Variants in TPTE observed in about 807,000 individuals in gnomAD.
TPTE encodes putative tyrosine-protein phosphatase TPTE.
In TPTE, 59 loss-of-function variants were observed where a neutral mutation model predicts 84.1. The ratio of observed to expected loss-of-function variants is 0.70; its 90% confidence interval spans 0.57 to 0.87. The LOEUF (loss-of-function observed/expected upper bound fraction) is 0.87. Among genes scored for constraint, TPTE ranks in the 40% least tolerant of loss-of-function variants. TPTE has a pLI of 0.00. For missense variants in TPTE, 382 were observed against 659.6 expected (o/e 0.58, Z 4.61); for synonymous variants, 130 against 223.5 (o/e 0.58, Z 3.73).
chr21:10,543,859 A>G (rs900006364), intron 7 of TPTE, among the ~76,000 whole-genome samples: 1 of 152,426 alleles, frequency 6.6e-6, no homozygotes, highest in African/African-American at 2.4e-5. Flanking sequence ...AATAAGGAGT[A>G]GTGAAGCCCT....
At chr21:10,566,774 CGAGACCAGCCTGACCAACATG>C (rs1258847838) in intron 10 of TPTE, among the ~76,000 whole-genome samples, 2 of 152,290 alleles carry the variant, frequency 1.3e-5, no homozygotes, top group Non-Finnish European at 2.9e-5. Context: ...GTCGGGAGTT[CGAGACCAGCCTGACCAACATG>C]GAGAAACCCC....
At chr21:10,560,854 A>G (rs2145675187) in intron 9 of TPTE, among the ~76,000 whole-genome samples, 176 bp from the exon 10 acceptor site, 1 of 152,424 alleles carries the variant, frequency 6.6e-6, no homozygotes, top group East Asian at 1.9e-4. Flanking sequence ...ATTGGGTGAA[A>G]ACAGTGATTT....
chr21:10,539,097 A>G (rs1332033085), intron 4 of TPTE, among the ~76,000 whole-genome samples: 2 of 152,310 alleles, frequency 1.3e-5, no homozygotes, highest in African/African-American at 4.8e-5. Context: ...ATGTTAGTGT[A>G]TTTGTCACTG....
chr21:10,555,291 C>T (rs112969404), intron 8 of TPTE, among the ~76,000 whole-genome samples: 2,837 of 151,106 alleles, frequency 0.019, no homozygotes, highest in African/African-American at 0.056. Context: ...ACTGCAACCT[C>T]CACTTCCCAG....
intron 8 of TPTE, among the ~76,000 whole-genome samples, chr21:10,555,659 TTTTA>T (rs1367236384): frequency 1.3e-5 from 2 of 152,302 alleles, no homozygotes; most frequent in African/African-American, 4.8e-5. Flanking sequence ...GTACGTTTGG[TTTTA>T]TTTATCATCT....
At chr21:10,597,086 A>T (rs2075602307) in intron 20 of TPTE, among the ~76,000 whole-genome samples, 1 of 152,312 alleles carries the variant, frequency 6.6e-6, no homozygotes, top group African/African-American at 2.4e-5. Context: ...TGTAGAGTTG[A>T]GAGGAAAGCA....
At chr21:10,548,851 A>C (rs576573508) in intron 7 of TPTE, among the ~76,000 whole-genome samples, 18 of 152,418 alleles carry the variant, frequency 1.2e-4, no homozygotes, top group African/African-American at 4.3e-4. Flanking sequence ...GTGTGCCTGC[A>C]TCCTGGGCCT....
intron 17 of TPTE, among the ~76,000 whole-genome samples, chr21:10,583,920 T>A (rs1033319402): frequency 3.9e-5 from 6 of 152,310 alleles, no homozygotes; most frequent in African/African-American, 1.4e-4. Context: ...CTTTCTAATA[T>A]GTCCTCATCA....
intron 9 of TPTE, among the ~76,000 whole-genome samples, chr21:10,560,534 G>C (rs1208549134): frequency 6.6e-6 from 1 of 152,306 alleles, no homozygotes; most frequent in African/African-American, 2.4e-5. Flanking sequence ...CCATAAATAT[G>C]AAATCATGTA....
intron 21 of TPTE, among the ~76,000 whole-genome samples, chr21:10,598,903 C>T (rs1416666350): frequency 6.6e-6 from 1 of 152,310 alleles, no homozygotes; most frequent in African/African-American, 2.4e-5. Context: ...CGACTGAGGG[C>T]ATTCACCCAG....
intron 7 of TPTE, among the ~76,000 whole-genome samples, chr21:10,550,071 C>T (rs2074544444): frequency 6.6e-6 from 1 of 152,310 alleles, no homozygotes; most frequent in Admixed American, 6.5e-5. Context: ...CACAGCTATC[C>T]TTTACAAATG....
chr21:10,597,408 TTTTC>T (rs2075608267), intron 20 of TPTE, among the ~76,000 whole-genome samples: 1 of 151,644 alleles, frequency 6.6e-6, no homozygotes, highest in African/African-American at 2.4e-5. Context: ...GAATTTTCTT[TTTTC>T]TTTTTTTTTT....
intron 10 of TPTE, among the ~76,000 whole-genome samples, chr21:10,564,685 G>A (rs529606522): frequency 1.3e-5 from 2 of 152,424 alleles, no homozygotes; most frequent in African/African-American, 4.8e-5. Flanking sequence ...GGGATGCAAG[G>A]ATGGTTCAAC....
At chr21:10,544,123 A>G (rs2074422878) in intron 7 of TPTE, among the ~76,000 whole-genome samples, 1 of 152,304 alleles carries the variant, frequency 6.6e-6, no homozygotes, top group Non-Finnish European at 1.5e-5. Context: ...TAAAGGTGTA[A>G]GTAATATGGA....
chr21:10,564,213 A>G (rs2074868164), intron 10 of TPTE, among the ~76,000 whole-genome samples: 1 of 152,304 alleles, frequency 6.6e-6, no homozygotes. Flanking sequence ...CTCTTCTCCC[A>G]TAAAGACACA....
chr21:10,559,872 T>TAAAAAA (rs61583687), intron 9 of TPTE, among the ~76,000 whole-genome samples: 63 of 116,674 alleles, frequency 5.4e-4, no homozygotes, highest in African/African-American at 7.5e-4. Context: ...AGACTCCATG[T>TAAAAAA]AAAAAAAAAA....
chr21:10,531,507 CT>C (rs2074178211), intron 3 of TPTE, among the ~76,000 whole-genome samples: 1 of 152,310 alleles, frequency 6.6e-6, no homozygotes, highest in Non-Finnish European at 1.5e-5. Context: ...AACCTCTTTT[CT>C]TTATAAATTA....
chr21:10,599,952 A>G (rs867546830), intron 21 of TPTE, among the ~76,000 whole-genome samples: 317 of 151,400 alleles, frequency 2.1e-3, no homozygotes, highest in Middle Eastern at 6.9e-3. Context: ...CAACCTCCTG[A>G]GCTCAAGCAA....
At chr21:10,548,751 G>C (rs1376595615) in intron 7 of TPTE, among the ~76,000 whole-genome samples, 2 of 152,310 alleles carry the variant, frequency 1.3e-5, no homozygotes, top group South Asian at 2.1e-4. Flanking sequence ...CCCCAGGCCA[G>C]ATGAGCAGCT....
Sources: gnomAD v4.1 joint callset for allele counts (sites outside exome capture counted in the v4.1 genomes callset) on GRCh38, gnomAD v4.1.1 for gene constraint, MANE v1.5 for transcripts, NCBI Gene and HGNC (gene_info 2026-07-23, HGNC 2026-07-21) for gene names.